The following SEMA3D variants were observed in gnomAD, a reference collection of about 807,000 sequenced individuals.
The protein encoded by SEMA3D is semaphorin 3D.
SEMA3D carries 84 observed loss-of-function variants against 100.1 expected under a neutral mutation model. The observed-to-expected ratio is 0.84, with a 90% CI of 0.70 to 1.01. SEMA3D has a LOEUF of 1.01. SEMA3D is among the 50% of genes least tolerant of loss of function. The pLI is 0.00. For synonymous variants in SEMA3D, 312 were observed against 320.7 expected (o/e 0.97, Z 0.29); for missense variants, 875 against 934.1 (o/e 0.94, Z 0.82).
intron 6 of SEMA3D, among the ~76,000 whole-genome samples, chr7:85,071,903 A>G (rs1791784731): frequency 6.6e-6 from 1 of 152,212 alleles, no homozygotes; most frequent in African/African-American, 2.4e-5. Flanking sequence ...GCACATCACC[A>G]AGAAACAACT....
At chr7:85,113,664 G>C (rs1337710213) in intron 3 of SEMA3D, among the ~76,000 whole-genome samples, 2 of 151,138 alleles carry the variant, frequency 1.3e-5, no homozygotes, top group African/African-American at 2.4e-5. Flanking sequence ...CCAGCTATTC[G>C]GGAGGCTGAG....
intron 2 of SEMA3D, among the ~76,000 whole-genome samples, chr7:85,136,116 T>C (rs546291450): frequency 6.6e-6 from 1 of 152,262 alleles, no homozygotes; most frequent in Admixed American, 6.6e-5. Flanking sequence ...ATTATTGCTA[T>C]CTTGGGTAAG....
chr7:85,045,424 T>A (rs530230712), intron 9 of SEMA3D, among the ~76,000 whole-genome samples: 4 of 152,084 alleles, frequency 2.6e-5, no homozygotes, highest in African/African-American at 9.6e-5. Flanking sequence ...AGAAAATGTA[T>A]AATATATTCT....
Position 85,073,027 on chromosome 7 carries a change from A to G in SEMA3D, c.430T>C (p.Tyr144His). 3.1e-6 allele frequency: 5 copies of G among 1,611,594 alleles called. No individual in the cohort carries two copies. The highest frequency in any genetic ancestry group is 2.7e-5 in the African/African-American group (2 of 74,946). Residue 144 changes from tyrosine (Y) to histidine (H), a missense_variant, in exon 6 of 19, where the codon TAT becomes CAT. Transcript: ENST00000284136. ...VLQPYNKTHIYVCGTGAFHPI... is the reference protein window; with the variant it reads ...VLQPYNKTHIHVCGTGAFHPI... ...TGAAATGCTCCAGTTCCACACACAT[A>G]TATGTGAGTTTTGTTATAGGGCTGA...
In SEMA3D at chr7:85,078,773, C is replaced by T. The variant is rs1375414021; in HGVS notation, c.375+2744G>A. 5.3e-5 allele frequency among the ~76,000 whole-genome samples: 8 copies of T among 152,196 alleles called. No individual in the cohort carries two copies. The South Asian group carries it at 1.5e-3, about 28-fold the overall frequency. The stretch of plus-strand genomic sequence containing the variant: ...TCACTGTTTTGCAGTTACATAGTAC[C>T]TTTGTGTAAAGGGACAGTCTTTCCA... On this transcript the variant is annotated intron_variant, in intron 5 of 18. Coordinates refer to ENST00000284136, the MANE Select transcript of SEMA3D (RefSeq NM_001384900.1).
intron 1 of SEMA3D, chr7:85,163,006 A>C: frequency 1.1e-6 from 1 of 927,544 alleles, no homozygotes; most frequent in Non-Finnish European, 1.3e-6. Context: ...GAGGTGAGCT[A>C]ACGAGAAGGA....
At chr7:85,100,061 A>G (rs1249933120) in intron 3 of SEMA3D, among the ~76,000 whole-genome samples, 1 of 151,980 alleles carries the variant, frequency 6.6e-6, no homozygotes, top group African/African-American at 2.4e-5. Context: ...TCATATGTGC[A>G]GAAAGATGTA....
intron 2 of SEMA3D, among the ~76,000 whole-genome samples, chr7:85,127,654 T>A (rs1430343495): frequency 6.6e-6 from 1 of 152,152 alleles, no homozygotes; most frequent in Admixed American, 6.6e-5. Flanking sequence ...AATAAAATAT[T>A]ACTGTGAATG....
chr7:85,128,402 C>T (rs1789626257), intron 2 of SEMA3D, among the ~76,000 whole-genome samples: 1 of 152,080 alleles, frequency 6.6e-6, no homozygotes, highest in African/African-American at 2.4e-5. Flanking sequence ...AGTTCCTGAC[C>T]TCGTGATCCA....
intron 2 of SEMA3D, chr7:85,141,049 C>T: frequency 1.2e-6 from 1 of 822,450 alleles, no homozygotes; most frequent in Non-Finnish European, 1.5e-6. Flanking sequence ...CCACTTTACT[C>T]ATCACTATGT....
At chr7:85,196,988 C>T in the SEMA3D span, among the ~76,000 whole-genome samples, 2 of 151,706 alleles carry the variant, frequency 1.3e-5, no homozygotes, top group South Asian at 2.1e-4. Flanking sequence ...TCATGCCCTA[C>T]AAATCATAAA....
At chr7:85,232,511 T>G in the SEMA3D span, among the ~76,000 whole-genome samples, 1 of 152,208 alleles carries the variant, frequency 6.6e-6, no homozygotes, top group South Asian at 2.1e-4. Context: ...TGGGATAATA[T>G]CCTCCTGCAC....
chr7:85,119,721 C>T (rs1450593303), intron 3 of SEMA3D, among the ~76,000 whole-genome samples: 2 of 152,088 alleles, frequency 1.3e-5, no homozygotes, highest in Admixed American at 6.6e-5. Context: ...CACAACTTGC[C>T]TATGTAACAA....
chr7:85,033,232 G>T (rs2115927851), intron 12 of SEMA3D, among the ~76,000 whole-genome samples: 1 of 152,220 alleles, frequency 6.6e-6, no homozygotes, highest in East Asian at 1.9e-4. Flanking sequence ...GTAGTCGGCA[G>T]AAGAGACCAG....
chr7:85,072,918 G>A, intron 6 of SEMA3D, 44 bp downstream of exon 6: 1 of 1,439,496 alleles, frequency 6.9e-7, no homozygotes, highest in South Asian at 1.2e-5. Flanking sequence ...AAGTAGTAAT[G>A]TATTACAATA....
the SEMA3D span, among the ~76,000 whole-genome samples, chr7:85,207,929 T>A: frequency 6.6e-6 from 1 of 151,914 alleles, no homozygotes; most frequent in African/African-American, 2.4e-5. Context: ...CTATCTGTAA[T>A]GCACGCTGTC....
intron 12 of SEMA3D, among the ~76,000 whole-genome samples, chr7:85,031,691 C>A (rs980843947): frequency 6.6e-5 from 10 of 151,798 alleles, no homozygotes; most frequent in African/African-American, 2.2e-4. Context: ...TGTTTCTTAT[C>A]TATAAAATTG....
intron 3 of SEMA3D, among the ~76,000 whole-genome samples, chr7:85,103,736 A>T (rs1271469715): frequency 1.3e-5 from 2 of 152,100 alleles, no homozygotes. Context: ...TTCTAGCAAC[A>T]CAGTTTTGGA....
chr7:85,244,764 G>A, the SEMA3D span, among the ~76,000 whole-genome samples: 2 of 144,388 alleles, frequency 1.4e-5, no homozygotes, highest in African/African-American at 5.3e-5. Context: ...AGGCTGGAGT[G>A]CAGTGGTGCG....
Sources: gnomAD v4.1 joint callset for allele counts (sites outside exome capture counted in the v4.1 genomes callset) on GRCh38, gnomAD v4.1.1 for gene constraint, MANE v1.5 for transcripts, NCBI Gene and HGNC (gene_info 2026-07-23, HGNC 2026-07-21) for gene names.